Variants in AMPH observed in about 807,000 individuals in gnomAD.
The protein encoded by AMPH is amphiphysin, also known as amphiphysin (Stiff-Mann syndrome with breast cancer 128kD autoantigen).
Under a neutral mutation model 99.1 loss-of-function variants are expected in AMPH, and 49 were observed. That is an observed-to-expected ratio of 0.49 (90% CI 0.39 to 0.63). The LOEUF (loss-of-function observed/expected upper bound fraction) is 0.63. AMPH is among the 20% of genes least tolerant of loss of function. The probability of loss-of-function intolerance (pLI) is 0.00; values close to 1 mark genes in which losing one functional copy is unlikely to be tolerated. For missense variants in AMPH, 759 were observed against 863.4 expected (o/e 0.88, Z 1.52); for synonymous variants, 314 against 317.3 (o/e 0.99, Z 0.11).
At chr7:38,493,783 G>A (rs1198332691) in intron 4 of AMPH, among the ~76,000 whole-genome samples, 1 of 152,146 alleles carries the variant, frequency 6.6e-6, no homozygotes, top group Non-Finnish European at 1.5e-5. Context: ...TAGTCAATAG[G>A]GGGATTGAGA....
intron 2 of AMPH, among the ~76,000 whole-genome samples, chr7:38,526,738 A>G (rs1790206024): frequency 6.6e-6 from 1 of 152,050 alleles, no homozygotes; most frequent in Non-Finnish European, 1.5e-5. Context: ...TTCTCTTAAC[A>G]GCTCTTTTGC....
At chr7:38,554,112 C>G (rs1208596579) in intron 1 of AMPH, among the ~76,000 whole-genome samples, 1 of 152,226 alleles carries the variant, frequency 6.6e-6, no homozygotes, top group Non-Finnish European at 1.5e-5. Context: ...CTTCCTGACA[C>G]CAGGAAGATG....
At chr7:38,424,537 T>C (rs1401008296) in intron 15 of AMPH, among the ~76,000 whole-genome samples, 1 of 150,688 alleles carries the variant, frequency 6.6e-6, no homozygotes, top group African/African-American at 2.4e-5. Context: ...GCAGAGAAAG[T>C]AGAGAAAGAC....
intron 5 of AMPH, among the ~76,000 whole-genome samples, chr7:38,489,000 A>G (rs1788619771): frequency 6.6e-6 from 1 of 152,156 alleles, no homozygotes; most frequent in Non-Finnish European, 1.5e-5. Flanking sequence ...TTAATTCTAA[A>G]ATTCACATGG....
In AMPH at chr7:38,384,761, T is replaced by C. The variant is rs577756960; in HGVS notation, c.*57A>G. On this transcript the variant is annotated 3_prime_UTR_variant, in exon 21 of 21. Transcript: ENST00000356264. ...TAATAACAAAAGTGAACTCTTCAGG[T>C]TTTCATGAAGGTTTAAAAACCCCGT... 4.8e-4 allele frequency: 677 copies of C among 1,415,786 alleles called. 2 individuals are homozygous for C. In the African/African-American group the frequency reaches 8.6e-3, roughly 18 times the overall value. 87.7% of individuals were successfully genotyped at this position (1,415,786 alleles called of 1,614,324 possible). A position where few individuals can be genotyped will look rare whatever the true frequency, so the allele number is the denominator to read the frequency against.
At chr7:38,603,521 G>A (rs1367987052) in intron 1 of AMPH, among the ~76,000 whole-genome samples, 3 of 152,024 alleles carry the variant, frequency 2.0e-5, no homozygotes, top group Non-Finnish European at 4.4e-5. Context: ...CCTAGCACCC[G>A]AACCATATTT....
At chr7:38,521,985 G>A (rs1377824178) in intron 2 of AMPH, among the ~76,000 whole-genome samples, 1 of 152,132 alleles carries the variant, frequency 6.6e-6, no homozygotes, top group Non-Finnish European at 1.5e-5. Context: ...CCTGTGAAAT[G>A]TATTACTACA....
intron 9 of AMPH, 38 bp downstream of exon 9, chr7:38,465,429 G>A (rs1787615519): frequency 6.5e-7 from 1 of 1,527,250 alleles, no homozygotes; most frequent in South Asian, 1.2e-5. Flanking sequence ...ATTTTAGCAA[G>A]CAGGACATTA....
At position 38,510,915 on chromosome 7, in the gene AMPH, A is replaced by T. The variant is rs557630134; in HGVS notation, c.151-7211T>A. Among the ~76,000 whole-genome samples, 4 of 152,246 alleles carry T rather than the reference A, an allele frequency of 2.6e-5. No homozygotes were observed. The East Asian group carries it at 7.7e-4, about 29-fold the overall frequency. ...TTCTCAAAGTCCCATAATTCCATGG[A>T]GTTTATTCCATGTGATTCATATCAC... On this transcript the variant is annotated intron_variant, in intron 2 of 20. Coordinates refer to ENST00000356264, the MANE Select transcript of AMPH (RefSeq NM_001635.4).
intron 20 of AMPH, among the ~76,000 whole-genome samples, chr7:38,386,281 C>A (rs1784346199): frequency 6.6e-6 from 1 of 152,124 alleles, no homozygotes; most frequent in Non-Finnish European, 1.5e-5. Flanking sequence ...TTTTCTGAAG[C>A]TCTAGAAAGC....
In AMPH at chr7:38,391,978, T is replaced by C; in HGVS notation, c.1648A>G (p.Asn550Asp). The C allele has an allele frequency of 6.2e-7, 1 of 1,609,626 alleles. No individual in the cohort carries two copies. Among genetic ancestry groups the C allele is most frequent in the Non-Finnish European group, 8.5e-7 (1 of 1,179,994 alleles). ...TCGTTTTCTCCTTCCTCTTCATGGTTGGAGGCAGGCTCTATGACCACCGAA... is the reference window on the plus strand; with the variant it reads ...TCGTTTTCTCCTTCCTCTTCATGGTCGGAGGCAGGCTCTATGACCACCGAA... ...IPSVVIEPAS[N>D]HEEEGENEIT... is the part of the protein sequence containing the mutation. The change falls in exon 19 of 21, where the codon AAC becomes GAC. Residue 550 changes from asparagine to aspartate, a missense_variant. Asn to Asp is a conservative substitution (Grantham distance 23). Transcript: ENST00000356264.
chr7:38,392,377 CTTTTTTTTTTTTTTTT>C (rs574057389), intron 18 of AMPH, among the ~76,000 whole-genome samples: 3 of 42,030 alleles, frequency 7.1e-5, no homozygotes, highest in Non-Finnish European at 1.2e-4. Flanking sequence ...CGGCCTGGTT[CTTTTTTTTTTTTTTTT>C]TTTTTTTTTT....
intron 17 of AMPH, among the ~76,000 whole-genome samples, chr7:38,417,551 G>A (rs1486264725): frequency 6.6e-6 from 1 of 152,184 alleles, no homozygotes; most frequent in Non-Finnish European, 1.5e-5. Flanking sequence ...GCATTAACAG[G>A]TCTGATTACT....
intron 1 of AMPH, among the ~76,000 whole-genome samples, chr7:38,630,134 A>G (rs1409163322): frequency 6.6e-6 from 1 of 152,220 alleles, no homozygotes; most frequent in African/African-American, 2.4e-5. Flanking sequence ...TCTGACTTCC[A>G]GTAAAACAGG....
At chr7:38,571,889 G>C (rs1218365175) in intron 1 of AMPH, among the ~76,000 whole-genome samples, 1 of 147,322 alleles carries the variant, frequency 6.8e-6, no homozygotes, top group East Asian at 2.0e-4. Context: ...TTCATGATAA[G>C]TACCCTATAC....
chr7:38,487,880 T>G (rs1189449750), intron 5 of AMPH, among the ~76,000 whole-genome samples: 1 of 152,054 alleles, frequency 6.6e-6, no homozygotes, highest in Non-Finnish European at 1.5e-5. Context: ...AACAGACACT[T>G]CTCAAAAGAA....
intron 11 of AMPH, among the ~76,000 whole-genome samples, chr7:38,439,812 T>C (rs1381780043): frequency 1.3e-5 from 2 of 152,186 alleles, no homozygotes; most frequent in African/African-American, 4.8e-5. Flanking sequence ...AGGTGTCTTC[T>C]ACTTGGGACA....
chr7:38,403,295 T>C (rs1784893482), intron 17 of AMPH, among the ~76,000 whole-genome samples: 1 of 152,176 alleles, frequency 6.6e-6, no homozygotes, highest in Non-Finnish European at 1.5e-5. Flanking sequence ...GTGGGGGTGC[T>C]TCTCTACTCC....
At chr7:38,421,838 G>A (rs185113635) in intron 16 of AMPH, among the ~76,000 whole-genome samples, 5 of 152,244 alleles carry the variant, frequency 3.3e-5, no homozygotes, top group Admixed American at 3.3e-4. Flanking sequence ...TTAAGCTGTT[G>A]CTAAAAATGT....
Sources: gnomAD v4.1 joint callset for allele counts (sites outside exome capture counted in the v4.1 genomes callset) on GRCh38, gnomAD v4.1.1 for gene constraint, MANE v1.5 for transcripts, NCBI Gene and HGNC (gene_info 2026-07-23, HGNC 2026-07-21) for gene names.